FAM114A1: variants seen among roughly 807,000 people sequenced by gnomAD.
FAM114A1 encodes the protein family with sequence similarity 114 member A1.
FAM114A1 carries 62 observed loss-of-function variants against 64.3 expected under a neutral mutation model. That is an observed-to-expected ratio of 0.96 (90% CI 0.79 to 1.19). The LOEUF (loss-of-function observed/expected upper bound fraction) is 1.19, where lower values mean the gene tolerates loss of function less well. FAM114A1 is among the 50% of genes most tolerant of loss of function. The probability of loss-of-function intolerance (pLI) is 0.00; values close to 1 mark genes in which losing one functional copy is unlikely to be tolerated. For missense variants in FAM114A1, 645 were observed against 676.3 expected, an observed-to-expected ratio of 0.95 and a Z score of 0.51; for synonymous variants, 254 against 251.1, an observed-to-expected ratio of 1.01 and a Z score of -0.11.
intron 3 of FAM114A1, among the ~76,000 whole-genome samples, chr4:38,881,861 A>T (rs1715303871): frequency 6.6e-6 from 1 of 152,200 alleles, no homozygotes; most frequent in South Asian, 2.1e-4. Context: ...TACAAAACAA[A>T]TTCTTGAATC....
At chr4:38,906,766 C>T (rs896152318) in intron 6 of FAM114A1, among the ~76,000 whole-genome samples, 1 of 152,144 alleles carries the variant, frequency 6.6e-6, no homozygotes, top group Non-Finnish European at 1.5e-5. Flanking sequence ...AACTCTTGAC[C>T]TCAGGTGATC....
rs542094169 is a variant in FAM114A1, at chr4:38,881,554, G to C, written c.348+3128G>C. Among the ~76,000 whole-genome samples the C allele has an allele frequency of 3.3e-5, 5 of 152,286 alleles. No individual in the cohort carries two copies. The South Asian group carries it at 1.0e-3, about 32-fold the overall frequency. ...TGTGAGTTTGTTTTAAGAAGGGCAG[G>C]AAAGCCGATAGGTTGGCTGAAAGGG... is the stretch of plus-strand genomic sequence containing the variant. On this transcript the variant is annotated intron_variant, in intron 3 of 14. Coordinates refer to ENST00000358869, the MANE Select transcript of FAM114A1 (RefSeq NM_138389.4).
At chr4:38,915,532 T>A (rs953498387) in intron 8 of FAM114A1, among the ~76,000 whole-genome samples, 3 of 152,188 alleles carry the variant, frequency 2.0e-5, no homozygotes, top group Non-Finnish European at 2.9e-5. Flanking sequence ...TATTCAGCCA[T>A]CTTGTTAGGA....
intron 12 of FAM114A1, 35 bp from the exon 13 acceptor site, chr4:38,935,682 GA>G (rs1188293015): frequency 6.8e-7 from 1 of 1,475,146 alleles, no homozygotes; most frequent in Non-Finnish European, 9.3e-7. Context: ...TTACCTTATT[GA>G]AAACATCCAA....
chr4:38,935,654 C>A, intron 12 of FAM114A1, 64 bp from the exon 13 acceptor site: 2 of 1,149,554 alleles, frequency 1.7e-6, no homozygotes, highest in South Asian at 2.8e-5. Flanking sequence ...CAGAAATGGT[C>A]GTGACAGTTA....
rs993650917 is a variant in FAM114A1, at chr4:38,915,057, A to G, written c.929A>G (p.Asn310Ser). 3.2e-5 allele frequency: 52 copies of G among 1,614,162 alleles called. No individual in the cohort carries two copies. Among genetic ancestry groups the G allele is most frequent in the South Asian group, 9.9e-5 (9 of 91,082 alleles). The change falls in exon 8 of 15, where the codon AAT becomes AGT. Residue 310 changes from asparagine (N) to serine (S), a missense_variant. Asn to Ser is a conservative substitution (Grantham distance 46). Transcript: ENST00000358869. ...CTGGAAGCCCTGGAAATTCTGTCCA[A>G]TGAAAGCGAAAGCAAGGTACTTCTG... ...SHLEALEILS[N>S]ESESKVQSFL...
In FAM114A1 at chr4:38,915,019, A is replaced by G; in HGVS notation, c.891A>G (p.Gln297=). The G allele has an allele frequency of 3.1e-6, 5 of 1,614,226 alleles. No individual in the cohort carries two copies. The highest frequency in any genetic ancestry group is 4.2e-6 in the Non-Finnish European group (5 of 1,180,046). The stretch of plus-strand genomic sequence containing the variant: ...ACGGGATGCTGTTTGATGAATATCA[A>G]GGCTTGTCACACCTGGAAGCCCTGG... The part of the protein sequence containing the change: ...AHYGMLFDEY[Q]GLSHLEALEI... The change falls in exon 8 of 15, where the codon CAA becomes CAG. Residue 297 remains glutamine, a synonymous_variant. Coordinates refer to ENST00000358869, the MANE Select transcript of FAM114A1 (RefSeq NM_138389.4).
chr4:38,930,863 A>G (rs535904913), intron 10 of FAM114A1, among the ~76,000 whole-genome samples: 1 of 152,340 alleles, frequency 6.6e-6, no homozygotes, highest in South Asian at 2.1e-4. Context: ...CTCATGTGAA[A>G]TTAAACTAGA....
chr4:38,930,009 A>G (rs1439965302), intron 10 of FAM114A1, among the ~76,000 whole-genome samples: 1 of 152,184 alleles, frequency 6.6e-6, no homozygotes, highest in Non-Finnish European at 1.5e-5. Context: ...AGAATCACCA[A>G]GAGGCTTTTT....
At chr4:38,871,355 G>T (rs1352250671) in intron 2 of FAM114A1, among the ~76,000 whole-genome samples, 1 of 151,894 alleles carries the variant, frequency 6.6e-6, no homozygotes, top group African/African-American at 2.4e-5. Context: ...GCCTCCCAAA[G>T]TGCTGGGATG....
chr4:38,878,333 C>T lies in FAM114A1; in HGVS notation c.255C>T (p.Asp85=), dbSNP rs1344950509. 2.0e-5 allele frequency: 32 copies of T among 1,614,098 alleles called. No individual in the cohort carries two copies. Among genetic ancestry groups the T allele is most frequent in the African/African-American group, 4.0e-5 (3 of 74,940 alleles). Residue 85 remains aspartate, a synonymous_variant, in exon 3 of 15, where the codon GAC becomes GAT. Coordinates refer to ENST00000358869, the MANE Select transcript of FAM114A1 (RefSeq NM_138389.4). The part of the protein sequence containing the change: ...ANALEPPLNG[D]VTEDTLAECI... ...CCCTGGAGCCCCCTCTCAATGGAGA[C>T]GTGACTGAGGATACACTTGCTGAAT...
chr4:38,902,522 C>T (rs989727954), intron 4 of FAM114A1, among the ~76,000 whole-genome samples: 10 of 152,158 alleles, frequency 6.6e-5, no homozygotes, highest in Admixed American at 3.3e-4. Context: ...AGGTATTTTC[C>T]ATTTGAGTAT....
intron 8 of FAM114A1, among the ~76,000 whole-genome samples, chr4:38,920,363 A>G (rs1423143453): frequency 6.6e-6 from 1 of 152,248 alleles, no homozygotes. Flanking sequence ...AACAACACTC[A>G]GCACTGTGCC....
chr4:38,899,890 T>C (rs1195892250), intron 4 of FAM114A1, among the ~76,000 whole-genome samples: 1 of 152,188 alleles, frequency 6.6e-6, no homozygotes, highest in Non-Finnish European at 1.5e-5. Flanking sequence ...TTTGCAATTT[T>C]TTTTTCTTTT....
chr4:38,906,509 G>A (rs1369332732), intron 6 of FAM114A1, among the ~76,000 whole-genome samples: 1 of 152,084 alleles, frequency 6.6e-6, no homozygotes, highest in East Asian at 1.9e-4. Context: ...GGTCATCAGG[G>A]TCAGGGAGCA....
intron 3 of FAM114A1, among the ~76,000 whole-genome samples, chr4:38,887,221 G>A (rs1209869103): frequency 4.6e-5 from 7 of 152,162 alleles, no homozygotes; most frequent in South Asian, 2.1e-4. Flanking sequence ...TAAACAATTC[G>A]TGTTCCATCT....
intron 3 of FAM114A1, among the ~76,000 whole-genome samples, chr4:38,878,752 T>C (rs1714923954): frequency 6.6e-6 from 1 of 152,216 alleles, no homozygotes; most frequent in African/African-American, 2.4e-5. Context: ...CTCCAGCTTA[T>C]ACCTGTGGCA....
At chr4:38,880,999 A>G (rs1405083380) in intron 3 of FAM114A1, among the ~76,000 whole-genome samples, 2 of 152,166 alleles carry the variant, frequency 1.3e-5, no homozygotes, top group Non-Finnish European at 2.9e-5. Context: ...AGCCTGGCCA[A>G]CATGGTGAAA....
intron 4 of FAM114A1, among the ~76,000 whole-genome samples, chr4:38,899,232 G>C (rs1717271830): frequency 6.6e-6 from 1 of 152,094 alleles, no homozygotes; most frequent in South Asian, 2.1e-4. Context: ...ACTAAGCCAA[G>C]GGAGAAGCTG....
Sources: allele counts gnomAD v4.1 joint callset (sites outside exome capture counted in the v4.1 genomes callset), GRCh38; gene constraint gnomAD v4.1.1; transcripts MANE v1.5; gene names NCBI Gene and HGNC (gene_info 2026-07-23, HGNC 2026-07-21).